The following CTNNA3 variants were observed in gnomAD, a reference collection of about 807,000 sequenced individuals.
The protein encoded by CTNNA3 is catenin alpha 3.
CTNNA3 carries 76 observed loss-of-function variants against 95.7 expected under a neutral mutation model. That is an observed-to-expected ratio of 0.79 (90% confidence interval 0.66 to 0.96). The LOEUF is 0.96. Ranked by LOEUF, CTNNA3 falls within the 40% of genes least tolerant of loss-of-function variation. The pLI is 0.00. For missense variants in CTNNA3, 1,191 were observed against 1,089.8 expected (o/e 1.09, Z -1.31); for synonymous variants, 431 against 374.4 (o/e 1.15, Z -1.74).
At chr10:67,317,073 C>T (rs1841085242) in intron 5 of CTNNA3, among the ~76,000 whole-genome samples, 2 of 152,056 alleles carry the variant, frequency 1.3e-5, no homozygotes, top group African/African-American at 4.8e-5. Flanking sequence ...AACTGTAGAT[C>T]TTCTTTTCAG....
At chr10:67,569,871 T>C (rs773951392) in intron 3 of CTNNA3, among the ~76,000 whole-genome samples, 3 of 152,136 alleles carry the variant, frequency 2.0e-5, no homozygotes, top group Admixed American at 6.6e-5. Context: ...ATCTGGATCT[T>C]AGCTCATCCC....
intron 5 of CTNNA3, among the ~76,000 whole-genome samples, chr10:67,268,371 A>G (rs1323092777): frequency 6.6e-6 from 1 of 151,560 alleles, no homozygotes; most frequent in African/African-American, 2.4e-5. Context: ...ATAAATAAAA[A>G]ATCAGCCGTT....
At chr10:66,034,784 G>A (rs544251957) in intron 15 of CTNNA3, among the ~76,000 whole-genome samples, 5 of 152,206 alleles carry the variant, frequency 3.3e-5, no homozygotes, top group African/African-American at 1.2e-4. Context: ...AGGGAAAACA[G>A]ACACCACCCG....
chr10:66,619,324 A>C (rs1255175081), intron 10 of CTNNA3, among the ~76,000 whole-genome samples: 16 of 150,720 alleles, frequency 1.1e-4, no homozygotes, highest in Non-Finnish European at 1.5e-5. Flanking sequence ...ATGTCCAACA[A>C]CGATAGACTG....
intron 12 of CTNNA3, among the ~76,000 whole-genome samples, chr10:66,329,211 A>G (rs1385963912): frequency 1.3e-5 from 2 of 151,654 alleles, no homozygotes; most frequent in African/African-American, 4.8e-5. Flanking sequence ...TCAGCCTCCT[A>G]AAGTGCTGGG....
At chr10:67,365,741 G>A (rs1359135293) in intron 5 of CTNNA3, among the ~76,000 whole-genome samples, 1 of 152,222 alleles carries the variant, frequency 6.6e-6, no homozygotes, top group Non-Finnish European at 1.5e-5. Flanking sequence ...TGCTGGAGAG[G>A]ATGTGAAGAA....
intron 10 of CTNNA3, among the ~76,000 whole-genome samples, chr10:66,524,332 G>A (rs772534451): frequency 3.3e-5 from 5 of 152,118 alleles, no homozygotes; most frequent in Non-Finnish European, 7.3e-5. Flanking sequence ...TACTAAACAT[G>A]TTAATTACCA....
At chr10:67,582,061 C>A (rs1409394238) in intron 3 of CTNNA3, among the ~76,000 whole-genome samples, 2 of 150,370 alleles carry the variant, frequency 1.3e-5, no homozygotes, top group Non-Finnish European at 3.0e-5. Flanking sequence ...CTATTTCCTT[C>A]AGTTCTGCTC....
At chr10:66,215,319 A>G (rs2088456389) in intron 13 of CTNNA3, among the ~76,000 whole-genome samples, 1 of 152,222 alleles carries the variant, frequency 6.6e-6, no homozygotes, top group Admixed American at 6.5e-5. Flanking sequence ...AGCCAACCCA[A>G]GCAACGTGCT....
intron 11 of CTNNA3, among the ~76,000 whole-genome samples, chr10:66,515,620 A>G (rs1296469554): frequency 1.3e-5 from 2 of 152,118 alleles, no homozygotes; most frequent in Non-Finnish European, 2.9e-5. Context: ...AAAGAGGTTT[A>G]ATTGACTCAC....
chr10:66,808,882 T>C (rs1218493518), intron 7 of CTNNA3, among the ~76,000 whole-genome samples: 2 of 152,212 alleles, frequency 1.3e-5, no homozygotes, highest in Admixed American at 6.5e-5. Context: ...AATCCAATGA[T>C]AAATATAATC....
At chr10:66,357,795 C>G (rs1589134327) in intron 12 of CTNNA3, among the ~76,000 whole-genome samples, 1 of 152,032 alleles carries the variant, frequency 6.6e-6, no homozygotes, top group Non-Finnish European at 1.5e-5. Context: ...GTTTTTATCT[C>G]TCTTAGGTAT....
At chr10:66,413,698 A>C (rs2093125172) in intron 11 of CTNNA3, among the ~76,000 whole-genome samples, 1 of 152,232 alleles carries the variant, frequency 6.6e-6, no homozygotes. Context: ...ATATTTCCTT[A>C]GAAGATTAAA....
intron 7 of CTNNA3, among the ~76,000 whole-genome samples, chr10:66,957,374 A>T (rs545144564): frequency 9.2e-6 from 1 of 108,822 alleles, no homozygotes; most frequent in East Asian, 2.6e-4. Flanking sequence ...TATCCAGAAT[A>T]TGTGTGTGTA....
At chr10:67,636,625 A>G (rs1259092547) in intron 2 of CTNNA3, among the ~76,000 whole-genome samples, 3 of 152,142 alleles carry the variant, frequency 2.0e-5, no homozygotes, top group African/African-American at 7.2e-5. Context: ...ACATGCAGAA[A>G]ATTGAAACTG....
chr10:65,977,568 G>C lies in CTNNA3; in HGVS notation c.2266-10822C>G, dbSNP rs560953851. Reference sequence around the variant, plus strand: ...GGCTGAGGCAGGCAGATGACCTGAGGTCAGGAGTTCGAGACCAGCCTGGTC... The same window carrying C: ...GGCTGAGGCAGGCAGATGACCTGAGCTCAGGAGTTCGAGACCAGCCTGGTC... On this transcript the variant is annotated intron_variant, in intron 16 of 17. Transcript: ENST00000433211. Among the ~76,000 whole-genome samples the C allele has an allele frequency of 2.6e-5, 4 of 152,158 alleles. No individual in the cohort carries two copies. The East Asian group carries it at 7.8e-4, about 30-fold the overall frequency.
At chr10:66,143,695 G>A (rs906883332) in intron 13 of CTNNA3, among the ~76,000 whole-genome samples, 5 of 152,026 alleles carry the variant, frequency 3.3e-5, no homozygotes, top group Non-Finnish European at 5.9e-5. Context: ...GAGGAGACAG[G>A]GGTGGACCAA....
At chr10:66,908,515 C>A (rs1846086966) in intron 7 of CTNNA3, among the ~76,000 whole-genome samples, 1 of 151,966 alleles carries the variant, frequency 6.6e-6, no homozygotes, top group African/African-American at 2.4e-5. Context: ...TTTTCATCGT[C>A]CAATATGTTA....
chr10:65,967,046 T>TC (rs1332908492), intron 16 of CTNNA3, among the ~76,000 whole-genome samples: 1 of 152,128 alleles, frequency 6.6e-6, no homozygotes. Flanking sequence ...AACCTCTGCC[T>TC]CCCGGGTTCA....
Sources: allele counts gnomAD v4.1 joint callset (sites outside exome capture counted in the v4.1 genomes callset), GRCh38; gene constraint gnomAD v4.1.1; transcripts MANE v1.5; gene names NCBI Gene and HGNC (gene_info 2026-07-23, HGNC 2026-07-21).